TSC1: variants seen among roughly 807,000 people sequenced by gnomAD.
The protein encoded by TSC1 is hamartin.
In TSC1, 20 loss-of-function variants were observed where a neutral mutation model predicts 124.3. The ratio of observed to expected loss-of-function variants is 0.16; its 90% CI spans 0.11 to 0.23. The LOEUF (loss-of-function observed/expected upper bound fraction) is 0.23. Ranked by LOEUF, TSC1 falls within the 10% of genes least tolerant of loss-of-function variation. The pLI, the probability that TSC1 is intolerant of heterozygous loss-of-function variation, is 1.00. For synonymous variants in TSC1, 493 were observed against 539.1 expected, an observed-to-expected ratio of 0.91 and a Z score of 1.19; for missense variants, 1,124 against 1,448.5, an observed-to-expected ratio of 0.78 and a Z score of 3.64.
chr9:132,896,450 C>G lies in TSC1; in HGVS notation c.3280G>C (p.Glu1094Gln), dbSNP rs1845049905. The change falls in exon 23 of 23, where the codon GAG becomes CAG. Residue 1094 changes from glutamate (E) to glutamine (Q), a missense_variant. Around this residue, in one of 5 missense-constraint regions of TSC1, gnomAD observed 325 missense variants for 383.4 expected, o/e 0.85. Coordinates refer to ENST00000298552, the MANE Select transcript of TSC1 (RefSeq NM_000368.5). The surrounding 1 kb of genome is among the most constrained non-coding windows in gnomAD (Gnocchi z 4.5). ...CTCTCGCTCTTATTACGAAATAACTCTCGAGCCTTCATACCCAGGAAGCTT... is the reference window on the plus strand; with the variant it reads ...CTCTCGCTCTTATTACGAAATAACTGTCGAGCCTTCATACCCAGGAAGCTT... ...SKSFLGMKARELFRNKSESQC... is the reference protein window; with the variant it reads ...SKSFLGMKARQLFRNKSESQC... 2 of 1,614,210 alleles carry G rather than the reference C, an allele frequency of 1.2e-6. No homozygotes were observed. Among genetic ancestry groups the G allele is most frequent in the Non-Finnish European group, 1.7e-6 (2 of 1,180,040 alleles).
intron 8 of TSC1, chr9:132,912,672 C>A: frequency 1.7e-6 from 1 of 585,300 alleles, no homozygotes. Context: ...ATCAAGTTTA[C>A]AAGCTAATCT....
At position 132,921,687 on chromosome 9, in the gene TSC1, G is replaced by T. The variant is rs1846562388; in HGVS notation, c.663+132C>A. ...GAAAACAGATTAGTGGCTGCCTAGG[G>T]ATTGGAGTGGCGAGGAAGAAAACTG... On this transcript the variant is annotated intron_variant, in intron 7 of 22. Coordinates refer to ENST00000298552, the MANE Select transcript of TSC1 (RefSeq NM_000368.5). This position sits in a 1 kb window ranked among gnomAD's most constrained non-coding sequence, Gnocchi z 4.3. 3 of 1,230,590 alleles carry T rather than the reference G, an allele frequency of 2.4e-6. No homozygotes were observed. In the African/African-American group the frequency reaches 4.5e-5, roughly 18 times the overall value. The allele number at this position is 1,230,590 out of a possible 1,614,324, so 76.2% of individuals were successfully genotyped here. A position where few individuals can be genotyped will look rare whatever the true frequency, so the allele number is the denominator to read the frequency against.
In TSC1 at chr9:132,893,831, T is replaced by C; in HGVS notation, c.*2404A>G. On this transcript the variant is annotated 3_prime_UTR_variant, in exon 23 of 23. Transcript: ENST00000298552. ...GAATTGCCTCTCGAGAGTAATACTG[T>C]CACCTTTCCATCCTTAGAACTACCC... The C allele has an allele frequency of 4.3e-6, 1 of 233,338 alleles. No homozygotes were observed. The highest frequency in any genetic ancestry group is 1.3e-3 in the Middle Eastern group (1 of 788). 14.5% of individuals were successfully genotyped at this position (233,338 alleles called of 1,614,324 possible).
chr9:132,912,558 A>G, intron 8 of TSC1, 101 bp from the exon 9 acceptor site: 3 of 1,396,698 alleles, frequency 2.1e-6, no homozygotes, highest in Non-Finnish European at 2.0e-6. Context: ...CTGATAGCAA[A>G]GAACAAGCGG....
rs1437648783 is a variant in TSC1 at position 132,902,092 on chromosome 9, G to A, written c.2392-393C>T. On this transcript the variant is annotated intron_variant, in intron 18 of 22. Coordinates refer to ENST00000298552, the MANE Select transcript of TSC1 (RefSeq NM_000368.5). This position sits in a 1 kb window ranked among gnomAD's most constrained non-coding sequence, Gnocchi z 5.2. ...CTGTGGATGACGTCTTTGTGAAGCC[G>A]GGTTTTTTTGGGTGCAGTGATACAA... 8.3e-6 allele frequency: 2 copies of A among 241,990 alleles called. No individual in the cohort carries two copies. Among genetic ancestry groups the A allele is most frequent in the Admixed American group, 5.1e-5 (1 of 19,518 alleles). 15.0% of individuals were successfully genotyped at this position (241,990 alleles called of 1,614,324 possible). A position where few individuals can be genotyped will look rare whatever the true frequency, so the allele number is the denominator to read the frequency against.
chr9:132,898,142 C>G (rs188064912), intron 20 of TSC1, among the ~76,000 whole-genome samples: 151 of 152,322 alleles, frequency 9.9e-4, no homozygotes, highest in Non-Finnish European at 1.6e-3. Flanking sequence ...TTTTCTCCCC[C>G]TCCTGACAAT....
chr9:132,897,971 T>C (rs1362558778), intron 20 of TSC1, among the ~76,000 whole-genome samples: 3 of 152,224 alleles, frequency 2.0e-5, no homozygotes, highest in East Asian at 1.9e-4. Context: ...AAAAATGATA[T>C]GGTGTCAGTA....
chr9:132,941,572 C>T (rs140831056), intron 1 of TSC1: 40 of 152,284 alleles, frequency 2.6e-4, no homozygotes, highest in African/African-American at 7.9e-4. Flanking sequence ...CAGATTTTAA[C>T]GCTATTAAGT....
intron 1 of TSC1, among the ~76,000 whole-genome samples, chr9:132,938,390 C>T (rs1402269661): frequency 6.6e-6 from 1 of 152,132 alleles, no homozygotes; most frequent in Non-Finnish European, 1.5e-5. Flanking sequence ...GACTTTTTTC[C>T]CTTTCATATT....
Position 132,921,081 on chromosome 9 carries a change from C to T in TSC1, c.737+282G>A, listed in dbSNP as rs1392034769. Among the ~76,000 whole-genome samples, 2 of 152,056 alleles carry T rather than the reference C, an allele frequency of 1.3e-5. No homozygotes were observed. Among genetic ancestry groups the T allele is most frequent in the Non-Finnish European group, 2.9e-5 (2 of 68,000 alleles). On this transcript the variant is annotated intron_variant, in intron 8 of 22. Transcript: ENST00000298552. The surrounding 1 kb of genome is among the most constrained non-coding windows in gnomAD (Gnocchi z 4.3). ...TTGTTTTTAGCCATATGCTTCACCTCCTGCATCGCCCCATCACTGGCACTA... is the reference window on the plus strand; with the variant it reads ...TTGTTTTTAGCCATATGCTTCACCTTCTGCATCGCCCCATCACTGGCACTA...
In TSC1 at chr9:132,903,527, C is replaced by G; in HGVS notation, c.2208+124G>C. On this transcript the variant is annotated intron_variant, in intron 17 of 22. Coordinates refer to ENST00000298552, the MANE Select transcript of TSC1 (RefSeq NM_000368.5). The surrounding 1 kb of genome is among the most constrained non-coding windows in gnomAD (Gnocchi z 5.9). ...CATTCATGTCTTAATCTCAAGCGACCTGCCCAAAGGAGTGGGAAGGACTGG... is the reference window on the plus strand; with the variant it reads ...CATTCATGTCTTAATCTCAAGCGACGTGCCCAAAGGAGTGGGAAGGACTGG... 7.1e-7 allele frequency: 1 copy of G among 1,405,252 alleles called. No homozygotes were observed. Among genetic ancestry groups the G allele is most frequent in the South Asian group, 1.2e-5 (1 of 85,438 alleles). The allele number at this position is 1,405,252 out of a possible 1,614,324, so 87.0% of individuals were successfully genotyped here.
chr9:132,893,798 C>T lies in TSC1; in HGVS notation c.*2437G>A, dbSNP rs149587565. On this transcript the variant is annotated 3_prime_UTR_variant, in exon 23 of 23. Coordinates refer to ENST00000298552, the MANE Select transcript of TSC1 (RefSeq NM_000368.5). The stretch of plus-strand genomic sequence containing the variant: ...ACGCTTATTGTACTAATACCTTTGC[C>T]CAGGACTGAATTGCCTCTCGAGAGT... The T allele has an allele frequency of 2.2e-3, 524 of 233,270 alleles. 7 individuals are homozygous for T. Among genetic ancestry groups the T allele is most frequent in the African/African-American group, 0.01 (471 of 45,442 alleles). 14.5% of individuals were successfully genotyped at this position (233,270 alleles called of 1,614,324 possible).
intron 10 of TSC1, 140 bp from the exon 11 acceptor site, chr9:132,911,253 C>G: frequency 2.4e-6 from 2 of 841,132 alleles, no homozygotes; most frequent in South Asian, 2.7e-5. Context: ...TATCAAGAAA[C>G]AAGTTGCATT....
chr9:132,914,549 C>T (rs924295996), intron 8 of TSC1, among the ~76,000 whole-genome samples: 10 of 151,858 alleles, frequency 6.6e-5, no homozygotes, highest in Non-Finnish European at 1.5e-4. Context: ...TATACCATAC[C>T]AAAGTTGATT....
At chr9:132,924,273 G>A (rs974739000) in intron 5 of TSC1, among the ~76,000 whole-genome samples, 1 of 152,118 alleles carries the variant, frequency 6.6e-6, no homozygotes, top group African/African-American at 2.4e-5. Flanking sequence ...TTAATCAAAA[G>A]ACTACTATGT....
At position 132,896,276 on chromosome 9, in the gene TSC1, G is replaced by A. The variant is rs1845025129; in HGVS notation, c.3454C>T (p.His1152Tyr). Residue 1152 changes from histidine (H) to tyrosine (Y), a missense_variant, in exon 23 of 23, where the codon CAT (histidine) becomes TAT (tyrosine). Physicochemically the swap from His to Tyr is moderately conservative, Grantham distance 83. Coordinates refer to ENST00000298552, the MANE Select transcript of TSC1 (RefSeq NM_000368.5). This position sits in a 1 kb window ranked among gnomAD's most constrained non-coding sequence, Gnocchi z 4.5. The part of the protein sequence containing the change: ...PPTPDSVGQL[H>Y]IMDYNETHHE... ...TGAGTCTCATTGTAGTCCATGATAT[G>A]TAGCTGTCCAACACTGTCCGGGGTC... is the stretch of plus-strand genomic sequence containing the variant. The A allele has an allele frequency of 6.2e-7, 1 of 1,614,184 alleles. No individual in the cohort carries two copies. Among genetic ancestry groups the A allele is most frequent in the African/African-American group, 1.3e-5 (1 of 75,036 alleles).
intron 15 of TSC1, 149 bp from the exon 16 acceptor site, chr9:132,904,603 A>C (rs1375638812): frequency 3.7e-6 from 3 of 805,156 alleles, no homozygotes; most frequent in Non-Finnish European, 6.2e-6. Context: ...GTCCACAGAG[A>C]GTTAGAGGAG....
intron 16 of TSC1, 98 bp downstream of exon 16, chr9:132,904,313 G>T: frequency 7.5e-7 from 1 of 1,327,810 alleles, no homozygotes; most frequent in Non-Finnish European, 1.1e-6. Context: ...GCCAAGGGGA[G>T]ATCTGTTTCC....
Position 132,897,229 on chromosome 9 carries a change from T to C in TSC1, c.2930A>G (p.Lys977Arg), listed in dbSNP as rs1433723046. 4.3e-6 allele frequency: 7 copies of C among 1,614,076 alleles called. No homozygotes were observed. Among genetic ancestry groups the C allele is most frequent in the African/African-American group, 4.0e-5 (3 of 74,922 alleles). Residue 977 changes from lysine to arginine, a missense_variant, in exon 22 of 23, where the codon AAA becomes AGA. By Grantham distance (26) the Lys-to-Arg change is conservative. Around this residue, in one of 5 missense-constraint regions of TSC1, gnomAD observed 325 missense variants for 383.4 expected, o/e 0.85. Transcript: ENST00000298552. ...GRLEKDGLLK[K>R]LEEEKAEAAE... ...TGCTTCTGCTTTTTCTTCTTCAAGT[T>C]TTTTCAGGAGGCCATCTTTCTCCAA...
Sources: allele counts gnomAD v4.1 joint callset (sites outside exome capture counted in the v4.1 genomes callset), GRCh38; gene constraint gnomAD v4.1.1; regional missense constraint gnomAD v4.1.1; non-coding constraint Gnocchi (gnomAD v3.1); transcripts MANE v1.5; gene names NCBI Gene and HGNC (gene_info 2026-07-23, HGNC 2026-07-21).